The following BORCS5 variants were observed in gnomAD, a reference collection of about 807,000 sequenced individuals.
BORCS5 encodes BLOC-1-related complex subunit 5.
Under a neutral mutation model 22.1 loss-of-function variants are expected in BORCS5, and 17 were observed. That is an observed-to-expected ratio of 0.77 (90% CI 0.53 to 1.15). BORCS5 has a LOEUF of 1.15. Ranked by LOEUF, BORCS5 falls within the 50% of genes most tolerant of loss-of-function variation. BORCS5 has a pLI of 0.00. For synonymous variants in BORCS5, 117 were observed against 99.8 expected (o/e 1.17, Z -1.03); for missense variants, 247 against 253.2 (o/e 0.98, Z 0.17).
chr12:12,414,111 G>GC lies in BORCS5; in HGVS notation c.203-21517_203-21516insC, dbSNP rs1565885053. 7.1e-4 allele frequency among the ~76,000 whole-genome samples: 56 copies of GC among 79,140 alleles called. 3 individuals are homozygous for GC. The highest frequency in any genetic ancestry group is 3.2e-3 in the African/African-American group (55 of 17,176). 51.9% of individuals were successfully genotyped at this position (79,140 alleles called of 152,430 possible). ...GGGGCGGCTGGCCGGGCGGGGGGCTGACCCCCCCCACCTCCCTCCTGGACG... is the reference window on the plus strand; with the variant it reads ...GGGGCGGCTGGCCGGGCGGGGGGCTGCACCCCCCCCACCTCCCTCCTGGACG... On this transcript the variant is annotated intron_variant, in intron 2 of 3. Transcript: ENST00000314565.
At chr12:12,430,475 G>C (rs550904090) in intron 2 of BORCS5, among the ~76,000 whole-genome samples, 3 of 151,950 alleles carry the variant, frequency 2.0e-5, no homozygotes, top group Non-Finnish European at 4.4e-5. Flanking sequence ...AGATGTGTTC[G>C]GCCATATGAA....
chr12:12,434,378 T>C (rs185720237), intron 2 of BORCS5, among the ~76,000 whole-genome samples: 330 of 151,946 alleles, frequency 2.2e-3, no homozygotes, highest in Middle Eastern at 6.8e-3. Flanking sequence ...TTGGCTCTGC[T>C]GTGAGACAGA....
intron 3 of BORCS5, among the ~76,000 whole-genome samples, chr12:12,447,445 C>T (rs1437481566): frequency 1.3e-5 from 2 of 152,176 alleles, no homozygotes; most frequent in African/African-American, 2.4e-5. Flanking sequence ...GTCGGTGCCT[C>T]AGCCATCTGC....
chr12:12,385,555 G>A (rs1863861595), intron 2 of BORCS5, among the ~76,000 whole-genome samples: 2 of 150,476 alleles, frequency 1.3e-5, no homozygotes, highest in Admixed American at 6.6e-5. Context: ...TGTCACTCAG[G>A]CTAGAGTGCG....
At chr12:12,454,467 G>A (rs763930891) in intron 3 of BORCS5, among the ~76,000 whole-genome samples, 1 of 152,160 alleles carries the variant, frequency 6.6e-6, no homozygotes, top group East Asian at 1.9e-4. Flanking sequence ...CTGGCCATTT[G>A]TATATCTTCT....
intron 2 of BORCS5, among the ~76,000 whole-genome samples, chr12:12,414,162 ACCC>A (rs1297108531): frequency 1.8e-5 from 1 of 55,874 alleles, no homozygotes; most frequent in Admixed American, 1.8e-4. Context: ...CGGGGGGCTG[ACCC>A]CCCCACCTCC....
intron 3 of BORCS5, chr12:12,452,397 C>G: frequency 1.7e-6 from 1 of 579,544 alleles, no homozygotes; most frequent in Non-Finnish European, 3.4e-6. Context: ...AAACATTTGT[C>G]TAATGTTTCC....
chr12:12,424,722 G>C (rs1290251569), intron 2 of BORCS5, among the ~76,000 whole-genome samples: 3 of 151,596 alleles, frequency 2.0e-5, no homozygotes, highest in Non-Finnish European at 2.9e-5. Context: ...TATTTTGATT[G>C]TTACAGGATG....
chr12:12,438,639 TGAA>T (rs1390363412), intron 3 of BORCS5, among the ~76,000 whole-genome samples: 1 of 152,140 alleles, frequency 6.6e-6, no homozygotes, highest in Non-Finnish European at 1.5e-5. Context: ...ACACATATAC[TGAA>T]GAAGACAGGG....
chr12:12,386,299 C>T (rs1234723240), intron 2 of BORCS5, among the ~76,000 whole-genome samples: 6 of 149,880 alleles, frequency 4.0e-5, no homozygotes, highest in Admixed American at 6.6e-5. Context: ...CTGTGCCTGG[C>T]CCCCCATTTG....
At chr12:12,359,034 A>G (rs1207334498) in intron 1 of BORCS5, among the ~76,000 whole-genome samples, 1 of 152,166 alleles carries the variant, frequency 6.6e-6, no homozygotes, top group Non-Finnish European at 1.5e-5. Flanking sequence ...TAGAGCATAA[A>G]ACACTTTAAA....
chr12:12,357,203 AG>A lies in BORCS5; in HGVS notation c.-247del. On this transcript the variant is annotated 5_prime_UTR_variant, in exon 1 of 4. Coordinates refer to ENST00000314565, the MANE Select transcript of BORCS5 (RefSeq NM_058169.6). ...GGTTCTCTTAGGGCTCCCGGAAAGA[AG>A]GAGGGCTAGCCGCGTGCGTTCGCGC... 1 of 1,508,872 alleles carries A rather than the reference AG, an allele frequency of 6.6e-7. No individual in the cohort carries two copies. Among genetic ancestry groups the A allele is most frequent in the South Asian group, 1.2e-5 (1 of 81,576 alleles). 93.5% of individuals were successfully genotyped at this position (1,508,872 alleles called of 1,614,324 possible).
At chr12:12,461,014 T>G (rs566767763) in intron 3 of BORCS5, among the ~76,000 whole-genome samples, 1 of 152,200 alleles carries the variant, frequency 6.6e-6, no homozygotes, top group East Asian at 1.9e-4. Flanking sequence ...AGGCCTGCAG[T>G]TCTATGCTCA....
chr12:12,417,307 T>G (rs1341150898), intron 2 of BORCS5, among the ~76,000 whole-genome samples: 1 of 152,212 alleles, frequency 6.6e-6, no homozygotes, highest in Non-Finnish European at 1.5e-5. Flanking sequence ...AACTTCATTC[T>G]ATTGTGGTGG....
intron 2 of BORCS5, among the ~76,000 whole-genome samples, chr12:12,423,692 T>TTTTG (rs57015751): frequency 9.9e-4 from 150 of 150,962 alleles, no homozygotes; most frequent in Non-Finnish European, 3.2e-4. Context: ...CTCGTTGTCT[T>TTTTG]TTTGTTTGTT....
chr12:12,358,402 C>T (rs1011199593), intron 1 of BORCS5, among the ~76,000 whole-genome samples: 2 of 152,220 alleles, frequency 1.3e-5, no homozygotes, highest in Non-Finnish European at 1.5e-5. Context: ...TAGTTCAGAC[C>T]TACATTCTGG....
chr12:12,442,802 G>T (rs1015675450), intron 3 of BORCS5, among the ~76,000 whole-genome samples: 4 of 151,972 alleles, frequency 2.6e-5, no homozygotes, highest in Non-Finnish European at 4.4e-5. Context: ...TTTTTACATG[G>T]TAGGTCCTCA....
At chr12:12,363,620 C>T (rs930503297) in intron 2 of BORCS5, among the ~76,000 whole-genome samples, 1 of 152,002 alleles carries the variant, frequency 6.6e-6, no homozygotes, top group Non-Finnish European at 1.5e-5. Flanking sequence ...GCCTGTAGTC[C>T]CAGCTACTTG....
chr12:12,415,098 C>T (rs1941898202), intron 2 of BORCS5, among the ~76,000 whole-genome samples: 1 of 150,750 alleles, frequency 6.6e-6, no homozygotes, highest in African/African-American at 2.4e-5. Flanking sequence ...CCTCATATCC[C>T]AGACGATGGG....
Sources: gnomAD v4.1 joint callset for allele counts (sites outside exome capture counted in the v4.1 genomes callset) on GRCh38, gnomAD v4.1.1 for gene constraint, MANE v1.5 for transcripts, NCBI Gene and HGNC (gene_info 2026-07-23, HGNC 2026-07-21) for gene names.